RANBP2: variants seen among roughly 807,000 people sequenced by gnomAD.
RANBP2 encodes RAN binding protein 2, also known as E3 SUMO-protein ligase RanBP2.
A neutral mutation model predicts 303.6 loss-of-function variants in RANBP2; 57 were observed. That is an observed-to-expected ratio of 0.19 (90% confidence interval 0.15 to 0.23). The LOEUF (loss-of-function observed/expected upper bound fraction) is 0.23. RANBP2 is among the 10% of genes least tolerant of loss of function. The probability of loss-of-function intolerance (pLI) is 1.00; values close to 1 mark genes in which losing one functional copy is unlikely to be tolerated. For synonymous variants in RANBP2, 1,167 were observed against 1,301.5 expected (o/e 0.90, Z 2.23); for missense variants, 3,138 against 3,780.8 (o/e 0.83, Z 4.46).
At chr2:108,752,704 A>C (rs1675996014) in intron 12 of RANBP2, among the ~76,000 whole-genome samples, 1 of 151,544 alleles carries the variant, frequency 6.6e-6, no homozygotes, top group African/African-American at 2.4e-5. Context: ...GAGGCAAGAG[A>C]ATGGTGTGAA....
the RANBP2 span, among the ~76,000 whole-genome samples, chr2:109,314,171 G>A: frequency 0.59 from 89,797 of 151,966 alleles, 27,914 homozygotes; most frequent in East Asian, 0.91. Flanking sequence ...TCTGTGTCCC[G>A]GGAGACCAGC....
chr2:108,726,473 T>A (rs1694721992), intron 1 of RANBP2, among the ~76,000 whole-genome samples: 1 of 151,470 alleles, frequency 6.6e-6, no homozygotes, highest in African/African-American at 2.4e-5. Flanking sequence ...AACAGAAATT[T>A]ATTTTCTCAT....
chr2:109,733,298 A>C, the RANBP2 span, among the ~76,000 whole-genome samples: 1 of 152,192 alleles, frequency 6.6e-6, no homozygotes, highest in South Asian at 2.1e-4. Flanking sequence ...AATGTAGTAC[A>C]TCACATTATT....
chr2:109,596,058 A>T, the RANBP2 span, among the ~76,000 whole-genome samples: 3 of 152,158 alleles, frequency 2.0e-5, no homozygotes, highest in Non-Finnish European at 2.9e-5. Flanking sequence ...TAGAGAAAAG[A>T]TCTCCCACTA....
chr2:109,712,967 G>GGCC, the RANBP2 span, among the ~76,000 whole-genome samples: 1 of 152,150 alleles, frequency 6.6e-6, no homozygotes, highest in Non-Finnish European at 1.5e-5. Flanking sequence ...GTATTGGGGG[G>GGCC]ATGGTACCTG....
At chr2:109,295,151 G>T in the RANBP2 span, among the ~76,000 whole-genome samples, 1 of 152,330 alleles carries the variant, frequency 6.6e-6, no homozygotes, top group South Asian at 2.1e-4. Context: ...GAGCACCCAC[G>T]CCTGGCCTGC....
the RANBP2 span, among the ~76,000 whole-genome samples, chr2:109,003,130 C>T: frequency 4.5e-5 from 6 of 133,626 alleles, no homozygotes; most frequent in African/African-American, 8.7e-5. Context: ...CGCTTGAACT[C>T]GGGAGGTGGA....
chr2:109,071,578 G>C, the RANBP2 span, among the ~76,000 whole-genome samples: 4 of 152,056 alleles, frequency 2.6e-5, no homozygotes, highest in Admixed American at 6.6e-5. Flanking sequence ...GGAGGCTGAG[G>C]CATGAGAATC....
At chr2:109,285,373 C>T in the RANBP2 span, among the ~76,000 whole-genome samples, 1 of 152,232 alleles carries the variant, frequency 6.6e-6, no homozygotes, top group Non-Finnish European at 1.5e-5. Flanking sequence ...TGCCTTTCCA[C>T]GGCCAACGCA....
chr2:109,259,743 T>C, the RANBP2 span, among the ~76,000 whole-genome samples: 1 of 152,262 alleles, frequency 6.6e-6, no homozygotes, highest in Non-Finnish European at 1.5e-5. Flanking sequence ...TTTTTCTTCA[T>C]GGAGGCTTCA....
chr2:109,276,229 G>T, the RANBP2 span, among the ~76,000 whole-genome samples: 28 of 152,328 alleles, frequency 1.8e-4, no homozygotes, highest in Admixed American at 1.6e-3. Context: ...GAGTCTGAAC[G>T]TCCCTGGAGG....
chr2:109,471,206 C>CAAA, the RANBP2 span, among the ~76,000 whole-genome samples: 129 of 40,108 alleles, frequency 3.2e-3, 2 homozygotes, highest in African/African-American at 5.6e-3. Flanking sequence ...GACTCTGTCT[C>CAAA]AAAAAAAAAA....
the RANBP2 span, among the ~76,000 whole-genome samples, chr2:109,143,806 G>GTA: frequency 3.4e-5 from 3 of 87,676 alleles, no homozygotes; most frequent in Non-Finnish European, 9.7e-5. Flanking sequence ...GTGCTGTGCT[G>GTA]TATACACACA....
At chr2:109,623,332 C>T in the RANBP2 span, among the ~76,000 whole-genome samples, 1 of 152,194 alleles carries the variant, frequency 6.6e-6, no homozygotes, top group East Asian at 1.9e-4. Context: ...CTCTCTGGTG[C>T]ACCACCAGTT....
At chr2:109,041,352 G>C in the RANBP2 span, among the ~76,000 whole-genome samples, 1 of 152,134 alleles carries the variant, frequency 6.6e-6, no homozygotes, top group Admixed American at 6.5e-5. Context: ...TAGGGACACT[G>C]ATAGACAACA....
chr2:108,719,644 C>A lies in RANBP2; in HGVS notation c.38C>A (p.Ala13Asp), dbSNP rs1350847919. ...RSKADVERYI[A>D]SVQGSTPSPR... is the part of the protein sequence containing the mutation. Reference sequence around the variant, plus strand: ...AAGGCTGACGTGGAGCGGTACATCGCCTCGGTGCAGGGCTCCACCCCGTCG... The same window carrying A: ...AAGGCTGACGTGGAGCGGTACATCGACTCGGTGCAGGGCTCCACCCCGTCG... Residue 13 changes from alanine to aspartate, a missense_variant, in exon 1 of 29, where the codon GCC becomes GAC. Physicochemically the swap from Ala to Asp is moderately radical, Grantham distance 126 (BLOSUM62 -2). Coordinates refer to ENST00000283195, the MANE Select transcript of RANBP2 (RefSeq NM_006267.5). The A allele has an allele frequency of 6.8e-6, 11 of 1,608,162 alleles. No homozygotes were observed. Among genetic ancestry groups the A allele is most frequent in the African/African-American group, 4.0e-5 (3 of 74,940 alleles).
At chr2:109,422,596 C>T in the RANBP2 span, among the ~76,000 whole-genome samples, 7 of 110,318 alleles carry the variant, frequency 6.3e-5, no homozygotes, top group Admixed American at 3.4e-4. Context: ...ACCCCCTTTC[C>T]ACCCCCTGCT....
the RANBP2 span, among the ~76,000 whole-genome samples, chr2:108,846,521 A>AC: frequency 6.6e-6 from 1 of 151,506 alleles, no homozygotes. Context: ...CTACCGAAAA[A>AC]AAAAAAAAAC....
At chr2:109,026,320 G>A in the RANBP2 span, among the ~76,000 whole-genome samples, 1 of 5,504 alleles carries the variant, frequency 1.8e-4, no homozygotes, top group Admixed American at 2.6e-3. Context: ...TAAGAGATGG[G>A]GTCTTGCTAT....
Sources: allele counts gnomAD v4.1 joint callset (sites outside exome capture counted in the v4.1 genomes callset), GRCh38; gene constraint gnomAD v4.1.1; transcripts MANE v1.5; gene names NCBI Gene and HGNC (gene_info 2026-07-23, HGNC 2026-07-21).